The following GRK1 variants were observed in gnomAD, a reference collection of about 807,000 sequenced individuals.
The protein encoded by GRK1 is G protein-coupled receptor kinase 1, also known as rhodopsin kinase GRK1.
In GRK1, 28 loss-of-function variants were observed where a neutral mutation model predicts 41.7. That is an observed-to-expected ratio of 0.67 (90% CI 0.50 to 0.92). GRK1 has a LOEUF of 0.92. GRK1 is among the 40% of genes least tolerant of loss of function. GRK1 has a pLI of 0.00. For synonymous variants in GRK1, 327 were observed against 286.7 expected, an observed-to-expected ratio of 1.14 and a Z score of -1.42; for missense variants, 703 against 671.2, an observed-to-expected ratio of 1.05 and a Z score of -0.52.
rs535980094 is a variant in GRK1, at chr13:113,667,677, G to A, written c.291G>A (p.Thr97=). 7.4e-6 allele frequency: 12 copies of A among 1,613,628 alleles called. No homozygotes were observed. The highest frequency in any genetic ancestry group is 3.3e-5 in the South Asian group (3 of 91,084). The part of the protein sequence containing the change: ...ELWKDIEDYD[T]ADNDLQPQKA... Reference sequence around the variant, plus strand: ...GGAAAGACATCGAGGACTATGACACGGCAGACAATGACCTCCAGCCACAGA... The same window carrying A: ...GGAAAGACATCGAGGACTATGACACAGCAGACAATGACCTCCAGCCACAGA... Residue 97 remains threonine (T), a synonymous_variant, in exon 1 of 7, where the codon ACG becomes ACA. Coordinates refer to ENST00000335678, the MANE Select transcript of GRK1 (RefSeq NM_002929.3). This position sits in a 1 kb window ranked among gnomAD's most constrained non-coding sequence, Gnocchi z 7.5.
chr13:113,731,584 C>T lies in GRK1; in HGVS notation c.1194+241C>T, dbSNP rs969717366. 6.6e-6 allele frequency among the ~76,000 whole-genome samples: 1 copy of T among 152,274 alleles called. No homozygotes were observed. The highest frequency in any genetic ancestry group is 1.9e-4 in the East Asian group (1 of 5,176). ...GGAGGGGCTGAGGGATTCCCAGTCA[C>T]CCTGTGCCCCAGAGCAAGCAGACCC... On this transcript the variant is annotated intron_variant, in intron 5 of 6. Coordinates refer to ENST00000335678, the MANE Select transcript of GRK1 (RefSeq NM_002929.3). This position sits in a 1 kb window ranked among gnomAD's most constrained non-coding sequence, Gnocchi z 5.6.
At chr13:113,654,910 C>T in the GRK1 span, 8 of 1,614,170 alleles carry the variant, frequency 5.0e-6, no homozygotes, top group Non-Finnish European at 6.8e-6. Flanking sequence ...GTCATCACCA[C>T]GTAGAAGGCC....
At chr13:113,733,794 T>TGC (rs1491394717) in intron 6 of GRK1, among the ~76,000 whole-genome samples, 1,656 of 110,646 alleles carry the variant, frequency 0.015, 60 homozygotes, top group African/African-American at 0.055. Context: ...TGCATGTGTG[T>TGC]ATGTGTATCT....
intron 2 of GRK1, among the ~76,000 whole-genome samples, chr13:113,670,081 C>T (rs889462151): frequency 5.9e-5 from 9 of 152,140 alleles, no homozygotes; most frequent in African/African-American, 1.9e-4. Context: ...GTGGGAGGCA[C>T]GTGGTGCTGT....
chr13:113,732,562 G>C (rs561888583), intron 5 of GRK1, among the ~76,000 whole-genome samples: 1 of 152,228 alleles, frequency 6.6e-6, no homozygotes. Flanking sequence ...GAGTGAAAAC[G>C]GAGGCTGCTT....
Position 113,736,989 on chromosome 13 carries a change from T to G in GRK1, c.*1626T>G, listed in dbSNP as rs2050008960. ...GCCTGGACTGGTGGGTCTCGGCCTC[T>G]CTCCCAGAAATGGCAGAGACAGCTG... On this transcript the variant is annotated 3_prime_UTR_variant, in exon 7 of 7. Coordinates refer to ENST00000335678, the MANE Select transcript of GRK1 (RefSeq NM_002929.3). 1 of 152,330 alleles carries G rather than the reference T, an allele frequency of 6.6e-6. No individual in the cohort carries two copies. The highest frequency in any genetic ancestry group is 2.4e-5 in the African/African-American group (1 of 41,446). The allele number at this position is 152,330 out of a possible 1,614,324, so 9.4% of individuals were successfully genotyped here.
intron 4 of GRK1, among the ~76,000 whole-genome samples, chr13:113,726,792 C>A (rs1479344709): frequency 6.6e-6 from 1 of 152,198 alleles, no homozygotes; most frequent in African/African-American, 2.4e-5. Flanking sequence ...GCAGTTCCTC[C>A]CCGGAGTCTG....
At chr13:113,660,628 G>T in the GRK1 span, among the ~76,000 whole-genome samples, 1 of 152,218 alleles carries the variant, frequency 6.6e-6, no homozygotes, top group Non-Finnish European at 1.5e-5. Context: ...GCTTTGGGAG[G>T]CTGGACTGAG....
chr13:113,733,952 GTGCATA>G (rs1344149048), intron 6 of GRK1, among the ~76,000 whole-genome samples: 5 of 148,598 alleles, frequency 3.4e-5, no homozygotes, highest in African/African-American at 1.3e-4. Context: ...GTGCGTGTGT[GTGCATA>G]CGTGTGTGTG....
intron 2 of GRK1, 132 bp downstream of exon 2, chr13:113,669,946 A>T: frequency 1.9e-6 from 2 of 1,069,702 alleles, no homozygotes; most frequent in Non-Finnish European, 1.3e-6. Flanking sequence ...CCTTGCACCC[A>T]TCACAATCCC....
At chr13:113,653,271 C>T in the GRK1 span, 1 of 1,561,548 alleles carries the variant, frequency 6.4e-7, no homozygotes, top group Admixed American at 1.7e-5. Flanking sequence ...CGCCGCTTCA[C>T]ACCTCACCCA....
At position 113,725,030 on chromosome 13, in the gene GRK1, C is replaced by G. The variant is rs148398686; in HGVS notation, c.1069+1873C>G. Among the ~76,000 whole-genome samples, 727 of 152,366 alleles carry G rather than the reference C, an allele frequency of 4.8e-3. 22 individuals carry two copies. The South Asian group carries it at 0.09, about 19-fold the overall frequency. On this transcript the variant is annotated intron_variant, in intron 4 of 6. Coordinates refer to ENST00000335678, the MANE Select transcript of GRK1 (RefSeq NM_002929.3). ...TCGCCGGCGCCCGTTCCTCGGAGCCCCAGGTGCTCACAGCAGGGCTGGGCT... is the reference window on the plus strand; with the variant it reads ...TCGCCGGCGCCCGTTCCTCGGAGCCGCAGGTGCTCACAGCAGGGCTGGGCT...
intron 4 of GRK1, among the ~76,000 whole-genome samples, chr13:113,723,508 G>T (rs2049869673): frequency 6.6e-6 from 1 of 152,094 alleles, no homozygotes; most frequent in African/African-American, 2.4e-5. Flanking sequence ...CACTGGTTCG[G>T]TCTGGAAAGG....
chr13:113,723,855 T>TGTGTGTGCATGCCC (rs373374424), intron 4 of GRK1, among the ~76,000 whole-genome samples: 34,456 of 149,618 alleles, frequency 0.23, 6,020 homozygotes, highest in African/African-American at 0.5. Flanking sequence ...TCTGTGTGCC[T>TGTGTGTGCATGCCC]GTGTGTGCAT....
At chr13:113,734,913 G>A (rs932168027) in intron 6 of GRK1, 155 bp from the exon 7 acceptor site, 19 of 701,654 alleles carry the variant, frequency 2.7e-5, no homozygotes, top group Middle Eastern at 4.2e-4. Context: ...TGGGAACACT[G>A]GGCTTTCTCT....
Position 113,735,695 on chromosome 13 carries a change from C to T in GRK1, c.*332C>T, listed in dbSNP as rs185409102. ...CCTCCTGCATTGGTGATTGACCAAC[C>T]GTGTGGTCAGGGGCAGAGACTCGGT... On this transcript the variant is annotated 3_prime_UTR_variant, in exon 7 of 7. Transcript: ENST00000335678. 2.2e-5 allele frequency: 5 copies of T among 222,320 alleles called. No individual in the cohort carries two copies. Among genetic ancestry groups the T allele is most frequent in the Non-Finnish European group, 2.6e-5 (3 of 113,970 alleles). 13.8% of individuals were successfully genotyped at this position (222,320 alleles called of 1,614,324 possible).
chr13:113,669,410 C>T (rs2140717668), intron 1 of GRK1, among the ~76,000 whole-genome samples: 1 of 152,346 alleles, frequency 6.6e-6, no homozygotes, highest in Non-Finnish European at 1.5e-5. Context: ...CCATGTTGCT[C>T]AGCCTTGGGG....
At chr13:113,666,662 A>G (rs1205809990), upstream of GRK1, among the ~76,000 whole-genome samples, 3 of 151,926 alleles carry the variant, frequency 2.0e-5, no homozygotes, top group African/African-American at 4.8e-5. Flanking sequence ...CCTCTTGACA[A>G]TCCTGCCTTG....
chr13:113,651,333 AC>A, the GRK1 span, among the ~76,000 whole-genome samples: 1 of 152,362 alleles, frequency 6.6e-6, no homozygotes, highest in East Asian at 1.9e-4. Context: ...GCAAGCTGGA[AC>A]CTTTTTGTAA....
Sources: gnomAD v4.1 joint callset for allele counts (sites outside exome capture counted in the v4.1 genomes callset) on GRCh38, gnomAD v4.1.1 for gene constraint, Gnocchi (gnomAD v3.1) non-coding constraint, MANE v1.5 for transcripts, NCBI Gene and HGNC (gene_info 2026-07-23, HGNC 2026-07-21) for gene names.